The following SLC25A37 variants were observed in gnomAD, a reference collection of about 807,000 sequenced individuals.
SLC25A37 encodes mitoferrin-1.
In SLC25A37, 17 loss-of-function variants were observed where a neutral mutation model predicts 31.0. The observed-to-expected ratio is 0.55, with a 90% confidence interval of 0.38 to 0.82. SLC25A37 has a LOEUF of 0.82. SLC25A37 is among the 40% of genes least tolerant of loss of function. The pLI is 0.00. For missense variants in SLC25A37, 404 were observed against 465.8 expected (o/e 0.87, Z 1.22); for synonymous variants, 222 against 193.0 (o/e 1.15, Z -1.24).
At chr8:23,530,503 TG>T (rs1353535422) in intron 1 of SLC25A37, among the ~76,000 whole-genome samples, 3 of 152,226 alleles carry the variant, frequency 2.0e-5, no homozygotes, top group Non-Finnish European at 4.4e-5. Flanking sequence ...AGGAAAGACA[TG>T]GGCTTCCAAG....
At chr8:23,538,352 G>A (rs556263551) in intron 1 of SLC25A37, among the ~76,000 whole-genome samples, 31 of 116,464 alleles carry the variant, frequency 2.7e-4, no homozygotes, top group South Asian at 6.2e-4. Flanking sequence ...TTGCACTCCA[G>A]CCCGGACAAC....
intron 1 of SLC25A37, among the ~76,000 whole-genome samples, chr8:23,548,508 C>T (rs1463333238): frequency 6.8e-6 from 1 of 146,718 alleles, no homozygotes; most frequent in Non-Finnish European, 1.5e-5. Context: ...GACTTGTTGC[C>T]CCCCCAGGAT....
At chr8:23,568,659 G>C in intron 3 of SLC25A37, 3 of 438,956 alleles carry the variant, frequency 6.8e-6, no homozygotes, top group Middle Eastern at 6.7e-4. Flanking sequence ...CTAATTCTGA[G>C]GCTGGGTGCA....
At chr8:23,545,683 G>A (rs2117405752) in intron 1 of SLC25A37, among the ~76,000 whole-genome samples, 1 of 152,298 alleles carries the variant, frequency 6.6e-6, no homozygotes, top group Middle Eastern at 3.4e-3. Flanking sequence ...GAAATGGTCA[G>A]GATAGAAGCA....
chr8:23,542,601 A>G (rs1410650051), intron 1 of SLC25A37, among the ~76,000 whole-genome samples: 1 of 147,224 alleles, frequency 6.8e-6, no homozygotes, highest in African/African-American at 2.5e-5. Context: ...CTGGTCACCA[A>G]CTCCTGACCT....
At chr8:23,551,256 T>C (rs1466698323) in intron 1 of SLC25A37, among the ~76,000 whole-genome samples, 1 of 152,204 alleles carries the variant, frequency 6.6e-6, no homozygotes, top group Non-Finnish European at 1.5e-5. Context: ...TGTTACATAA[T>C]CAGGATTAAT....
At chr8:23,557,469 C>T (rs112249276) in intron 1 of SLC25A37, among the ~76,000 whole-genome samples, 9 of 152,184 alleles carry the variant, frequency 5.9e-5, no homozygotes, top group Non-Finnish European at 8.8e-5. Flanking sequence ...TTCCATAAAG[C>T]GTGGTGCCAA....
At chr8:23,549,719 T>G (rs1423189486) in intron 1 of SLC25A37, among the ~76,000 whole-genome samples, 1 of 101,222 alleles carries the variant, frequency 9.9e-6, no homozygotes, top group African/African-American at 7.7e-5. Flanking sequence ...ACTATCAAGT[T>G]AGAAGCCTTT....
At chr8:23,537,606 G>A (rs752436206) in intron 1 of SLC25A37, among the ~76,000 whole-genome samples, 2 of 152,186 alleles carry the variant, frequency 1.3e-5, no homozygotes, top group Non-Finnish European at 2.9e-5. Context: ...TAGCAGTGCC[G>A]ATTCTGCCTC....
intron 1 of SLC25A37, among the ~76,000 whole-genome samples, chr8:23,537,307 G>A (rs531014717): frequency 1.3e-5 from 2 of 151,808 alleles, no homozygotes; most frequent in Non-Finnish European, 2.9e-5. Context: ...ACACACCATC[G>A]TTTATTTATA....
At chr8:23,543,843 A>G (rs988464890) in intron 1 of SLC25A37, among the ~76,000 whole-genome samples, 4 of 151,142 alleles carry the variant, frequency 2.6e-5, no homozygotes, top group Non-Finnish European at 4.4e-5. Context: ...GCAAAAAACG[A>G]TGTGGTATTT....
At chr8:23,568,735 G>C (rs767353536) in intron 3 of SLC25A37, 15 of 281,628 alleles carry the variant, frequency 5.3e-5, no homozygotes, top group Non-Finnish European at 9.1e-5. Context: ...TTGAGGTCAG[G>C]AGTTCGAGAC....
intron 1 of SLC25A37, among the ~76,000 whole-genome samples, chr8:23,530,651 C>T (rs1039558287): frequency 7.2e-5 from 11 of 152,182 alleles, no homozygotes; most frequent in Non-Finnish European, 8.8e-5. Flanking sequence ...AAGAATCCCT[C>T]AAATGTAATA....
intron 1 of SLC25A37, among the ~76,000 whole-genome samples, chr8:23,561,656 C>T (rs1802518766): frequency 6.6e-6 from 1 of 152,214 alleles, no homozygotes; most frequent in African/African-American, 2.4e-5. Flanking sequence ...CCACTCCCTC[C>T]ATAGGTCACC....
intron 1 of SLC25A37, among the ~76,000 whole-genome samples, chr8:23,545,609 T>G (rs1222542452): frequency 6.6e-6 from 1 of 152,198 alleles, no homozygotes; most frequent in Non-Finnish European, 1.5e-5. Flanking sequence ...GCTGGGTGCT[T>G]TGAAGGAGCA....
chr8:23,551,080 G>T (rs765073131), intron 1 of SLC25A37, among the ~76,000 whole-genome samples: 1 of 152,210 alleles, frequency 6.6e-6, no homozygotes, highest in East Asian at 1.9e-4. Context: ...TCCCTGCCTA[G>T]CCCTGGCCTG....
intron 1 of SLC25A37, chr8:23,532,009 G>C (rs1801671417): frequency 6.6e-6 from 1 of 152,234 alleles, no homozygotes; most frequent in Admixed American, 6.5e-5. Context: ...TTGTGTGTGT[G>C]TCTCTGAGTG....
At chr8:23,546,562 A>ATAGTG (rs1802061454) in intron 1 of SLC25A37, among the ~76,000 whole-genome samples, 1 of 93,410 alleles carries the variant, frequency 1.1e-5, no homozygotes, top group African/African-American at 5.9e-5. Context: ...TAGTGTATAT[A>ATAGTG]TATATATATA....
chr8:23,531,725 C>T (rs1801665283), intron 1 of SLC25A37: 1 of 152,082 alleles, frequency 6.6e-6, no homozygotes, highest in Non-Finnish European at 1.5e-5. Context: ...CACTTTCAAC[C>T]CTGAACCTGA....
Sources: gnomAD v4.1 joint callset for allele counts (sites outside exome capture counted in the v4.1 genomes callset) on GRCh38, gnomAD v4.1.1 for gene constraint, MANE v1.5 for transcripts, NCBI Gene and HGNC (gene_info 2026-07-23, HGNC 2026-07-21) for gene names.